GABRB2: variants seen among roughly 807,000 people sequenced by gnomAD.
The protein encoded by GABRB2 is gamma-aminobutyric acid type A receptor subunit beta2, also known as gamma-aminobutyric acid receptor subunit beta-2.
GABRB2 carries 16 observed loss-of-function variants against 54.7 expected under a neutral mutation model. The ratio of observed to expected loss-of-function variants is 0.29; its 90% CI spans 0.20 to 0.44. The LOEUF is 0.44. GABRB2 is among the 20% of genes least tolerant of loss of function. GABRB2 has a pLI of 1.00. For synonymous variants in GABRB2, 244 were observed against 233.8 expected (o/e 1.04, Z -0.40); for missense variants, 355 against 644.0 (o/e 0.55, Z 4.86).
Position 161,357,186 on chromosome 5 carries a change from T to G in GABRB2, c.542-20417A>C, listed in dbSNP as rs138491166. Among the ~76,000 whole-genome samples, 484 of 152,268 alleles carry G rather than the reference T, an allele frequency of 3.2e-3. 2 individuals are homozygous for G. Among genetic ancestry groups the G allele is most frequent in the Non-Finnish European group, 5.3e-3 (362 of 68,016 alleles). ...CTTGGGAGGACACTGAAGTTGCAAT[T>G]TTAAGCAGAACCATCAGTGAGGGCC... On this transcript the variant is annotated intron_variant, in intron 5 of 9. Transcript: ENST00000393959.
chr5:161,450,274 C>A (rs766628422), intron 4 of GABRB2, among the ~76,000 whole-genome samples: 2 of 152,052 alleles, frequency 1.3e-5, no homozygotes, highest in African/African-American at 4.8e-5. Flanking sequence ...TAGGGACCCA[C>A]GTAGCCAACA....
intron 4 of GABRB2, among the ~76,000 whole-genome samples, chr5:161,434,134 A>G (rs941084649): frequency 6.6e-6 from 1 of 152,210 alleles, no homozygotes; most frequent in Admixed American, 6.6e-5. Context: ...GCACCCAGGT[A>G]TCACTCTGAT....
At chr5:161,454,793 A>G (rs890469393) in intron 4 of GABRB2, among the ~76,000 whole-genome samples, 2 of 152,182 alleles carry the variant, frequency 1.3e-5, no homozygotes, top group Non-Finnish European at 2.9e-5. Flanking sequence ...CTTAAGGTTC[A>G]ATGAGAAGCC....
At chr5:161,405,970 C>CACAT (rs1471558575) in intron 5 of GABRB2, among the ~76,000 whole-genome samples, 1 of 152,014 alleles carries the variant, frequency 6.6e-6, no homozygotes, top group Non-Finnish European at 1.5e-5. Context: ...ACACAACAGG[C>CACAT]ACATTTCTAT....
intron 5 of GABRB2, among the ~76,000 whole-genome samples, chr5:161,344,353 A>C (rs1000580003): frequency 1.3e-5 from 2 of 152,062 alleles, no homozygotes; most frequent in African/African-American, 2.4e-5. Flanking sequence ...ATTTGTAGTC[A>C]CGCTAGTTTT....
rs141451860 is a variant in GABRB2 at position 161,398,836 on chromosome 5, C to T, written c.541+12139G>A. Among the ~76,000 whole-genome samples the T allele has an allele frequency of 6.4e-3, 976 of 152,172 alleles. 8 individuals are homozygous for T. The highest frequency in any genetic ancestry group is 0.023 in the African/African-American group (945 of 41,522). On this transcript the variant is annotated intron_variant, in intron 5 of 9. Coordinates refer to ENST00000393959, the MANE Select transcript of GABRB2 (RefSeq NM_001371727.1). ...TCCTGAGTTGCTGGGACTACAGGCG[C>T]GTGCCACCATGTCCAGCTAATTTTT... is the stretch of plus-strand genomic sequence containing the variant.
At chr5:161,494,831 G>A (rs1289149506) in intron 3 of GABRB2, among the ~76,000 whole-genome samples, 1 of 151,626 alleles carries the variant, frequency 6.6e-6, no homozygotes, top group Non-Finnish European at 1.5e-5. Flanking sequence ...AGATCAGTAA[G>A]GAAGCATTTC....
At chr5:161,392,347 A>C (rs940277838) in intron 5 of GABRB2, among the ~76,000 whole-genome samples, 3 of 152,212 alleles carry the variant, frequency 2.0e-5, no homozygotes, top group African/African-American at 7.2e-5. Context: ...TAGCTAAGTA[A>C]ACAAGAATAA....
chr5:161,542,869 C>A (rs942419950), intron 3 of GABRB2, among the ~76,000 whole-genome samples: 2 of 152,198 alleles, frequency 1.3e-5, no homozygotes, highest in Admixed American at 6.5e-5. Flanking sequence ...CAGGGTACAA[C>A]ACACCATAAA....
intron 3 of GABRB2, among the ~76,000 whole-genome samples, chr5:161,473,883 T>G (rs767313148): frequency 6.6e-6 from 1 of 151,888 alleles, no homozygotes; most frequent in Non-Finnish European, 1.5e-5. Context: ...TGGATCTTGG[T>G]CTAAGACAAC....
chr5:161,514,460 A>G (rs938926135), intron 3 of GABRB2, among the ~76,000 whole-genome samples: 1 of 152,166 alleles, frequency 6.6e-6, no homozygotes, highest in African/African-American at 2.4e-5. Context: ...TGTCTTGTTC[A>G]TCTTTTTATC....
intron 3 of GABRB2, among the ~76,000 whole-genome samples, chr5:161,523,324 G>A (rs1246292684): frequency 6.6e-6 from 1 of 151,416 alleles, no homozygotes; most frequent in Admixed American, 6.6e-5. Flanking sequence ...CTACCAGTTG[G>A]AGAAGTAACA....
chr5:161,358,320 C>G (rs1487966438), intron 5 of GABRB2, among the ~76,000 whole-genome samples: 2 of 151,692 alleles, frequency 1.3e-5, no homozygotes, highest in Non-Finnish European at 2.9e-5. Context: ...CACTGGTAAC[C>G]AAGATGAACA....
intron 4 of GABRB2, among the ~76,000 whole-genome samples, chr5:161,435,395 A>C (rs866132500): frequency 6.6e-6 from 1 of 152,208 alleles, no homozygotes; most frequent in African/African-American, 2.4e-5. Flanking sequence ...AAATGGACAT[A>C]TAATCACAAT....
intron 5 of GABRB2, among the ~76,000 whole-genome samples, chr5:161,363,989 C>T (rs565190818): frequency 1.6e-4 from 24 of 152,268 alleles, no homozygotes; most frequent in African/African-American, 5.3e-4. Flanking sequence ...ATTCATTTTC[C>T]TGTTTCACAT....
intron 3 of GABRB2, among the ~76,000 whole-genome samples, chr5:161,531,585 G>A (rs1416015012): frequency 1.3e-5 from 2 of 151,984 alleles, no homozygotes; most frequent in Non-Finnish European, 2.9e-5. Flanking sequence ...GAATAAATGT[G>A]ACTATATTCA....
chr5:161,493,724 A>G (rs1759143748), intron 3 of GABRB2, among the ~76,000 whole-genome samples: 1 of 151,788 alleles, frequency 6.6e-6, no homozygotes, highest in Non-Finnish European at 1.5e-5. Flanking sequence ...ATTTCAGGGT[A>G]TGTTTCCATC....
intron 9 of GABRB2, among the ~76,000 whole-genome samples, chr5:161,304,514 G>T (rs1757624901): frequency 6.6e-6 from 1 of 152,096 alleles, no homozygotes; most frequent in African/African-American, 2.4e-5. Context: ...TAACCCTTTG[G>T]ATTAGAAATT....
chr5:161,377,276 G>GA (rs1755334385), intron 5 of GABRB2, among the ~76,000 whole-genome samples: 1 of 152,070 alleles, frequency 6.6e-6, no homozygotes, highest in Non-Finnish European at 1.5e-5. Flanking sequence ...GCAGCATTTT[G>GA]TAAAACCCTA....
Sources: allele counts gnomAD v4.1 joint callset (sites outside exome capture counted in the v4.1 genomes callset), GRCh38; gene constraint gnomAD v4.1.1; transcripts MANE v1.5; gene names NCBI Gene and HGNC (gene_info 2026-07-23, HGNC 2026-07-21).